IRAG1: variants seen among roughly 807,000 people sequenced by gnomAD.
IRAG1 encodes inositol 1,4,5-triphosphate receptor associated 1, also known as IP3R-associated cGMP kinase substrate.
Under a neutral mutation model 106.2 loss-of-function variants are expected in IRAG1, and 62 were observed. The observed-to-expected ratio is 0.58, with a 90% CI of 0.48 to 0.72. IRAG1 has a LOEUF of 0.72. Ranked by LOEUF, IRAG1 falls within the 30% of genes least tolerant of loss-of-function variation. IRAG1 has a pLI of 0.00. For missense variants in IRAG1, 1,064 were observed against 1,140.7 expected (o/e 0.93, Z 0.97); for synonymous variants, 462 against 443.9 (o/e 1.04, Z -0.51).
At chr11:10,686,942 C>G (rs719152) in intron 1 of IRAG1, among the ~76,000 whole-genome samples, 35,837 of 152,150 alleles carry the variant, frequency 0.24, 4,720 homozygotes, top group Non-Finnish European at 0.29. Context: ...GTTAAGAGAT[C>G]ACTTGCTCCC....
rs111881846 is a variant in IRAG1, at chr11:10,633,219, C to G, written c.329+749G>C. On this transcript the variant is annotated intron_variant, in intron 3 of 20. Transcript: ENST00000423302. ...CCTCCCGAGTAGCTGGGACTACAGG[C>G]GCCCGCCACCACACCCGGCTAATTT... 2.6e-5 allele frequency among the ~76,000 whole-genome samples: 4 copies of G among 151,898 alleles called. No individual in the cohort carries two copies. The East Asian group carries it at 5.8e-4, about 22-fold the overall frequency.
chr11:10,578,854 G>C (rs74395115), intron 20 of IRAG1, among the ~76,000 whole-genome samples: 6 of 131,194 alleles, frequency 4.6e-5, no homozygotes, highest in South Asian at 4.7e-4. Context: ...CTCTCTCTCT[G>C]TTTATTTCTC....
chr11:10,603,260 G>A lies in IRAG1; in HGVS notation c.1744-9C>T, dbSNP rs930202569. On this transcript the variant is annotated splice_polypyrimidine_tract_variant and intron_variant, in intron 13 of 20. Transcript: ENST00000423302. The stretch of plus-strand genomic sequence containing the variant: ...CAGAGTGAAGCTGAGGACTGAACAG[G>A]AGTAGGAGCATCACCTGGGGTCCTC... The A allele has an allele frequency of 9.3e-6, 15 of 1,613,236 alleles. No individual in the cohort carries two copies. The highest frequency in any genetic ancestry group is 1.3e-5 in the African/African-American group (1 of 74,886).
At chr11:10,625,629 C>G (rs1856183685) in intron 9 of IRAG1, among the ~76,000 whole-genome samples, 1 of 152,130 alleles carries the variant, frequency 6.6e-6, no homozygotes, top group Non-Finnish European at 1.5e-5. Flanking sequence ...TTATGAGCCA[C>G]TGACTCCGGT....
In IRAG1 at chr11:10,626,015, T is replaced by C. The variant is rs770127362; in HGVS notation, c.1319A>G (p.Gln440Arg). The C allele has an allele frequency of 1.1e-5, 16 of 1,507,074 alleles. No individual in the cohort carries two copies. In the South Asian group the frequency reaches 1.6e-4, roughly 15 times the overall value. 93.4% of individuals were successfully genotyped at this position (1,507,074 alleles called of 1,614,324 possible). ...CATCCGCACGGGCTGCACTTGTATC[T>C]GAAAGTCTTTGAGACCAGGGGCCTT... is the stretch of plus-strand genomic sequence containing the variant. ...LAKAPGLKDF[Q>R]IQVQPVRMQK... Residue 440 changes from glutamine to arginine, a missense_variant, in exon 9 of 21, where the codon CAG becomes CGG. Transcript: ENST00000423302.
At chr11:10,677,645 T>C (rs1171861149) in intron 1 of IRAG1, among the ~76,000 whole-genome samples, 1 of 152,246 alleles carries the variant, frequency 6.6e-6, no homozygotes, top group African/African-American at 2.4e-5. Flanking sequence ...TGATGTATCA[T>C]TTTAACCATT....
chr11:10,627,906 G>C, intron 7 of IRAG1, 67 bp downstream of exon 7: 1 of 1,574,930 alleles, frequency 6.3e-7, no homozygotes. Flanking sequence ...AGGGCCTCCT[G>C]GTGTTCGGGG....
rs1435966301 is a variant in IRAG1 at position 10,629,603 on chromosome 11, A to G, written c.509T>C (p.Val170Ala). 1.2e-6 allele frequency: 2 copies of G among 1,613,910 alleles called. No homozygotes were observed. The highest frequency in any genetic ancestry group is 1.7e-5 in the Admixed American group (1 of 60,018). Reference sequence around the variant, plus strand: ...ACGGCGGGTCAGGAATCGCTCACTCACCAACTTGGCTTCTTCCAGCAGCGC... The same window carrying G: ...ACGGCGGGTCAGGAATCGCTCACTCGCCAACTTGGCTTCTTCCAGCAGCGC... ...NLALLEEAKL[V>A]SERFLTRRGR... The change falls in exon 5 of 21, where the codon GTG (valine) becomes GCG (alanine). Residue 170 changes from valine (V) to alanine (A), a missense_variant. Coordinates refer to ENST00000423302, the MANE Select transcript of IRAG1 (RefSeq NM_130385.4).
chr11:10,603,401 C>T (rs1221932656), intron 13 of IRAG1, 150 bp from the exon 14 acceptor site: 5 of 820,268 alleles, frequency 6.1e-6, no homozygotes, highest in Admixed American at 5.1e-5. Context: ...TGAAACTCTT[C>T]CACCTCTGAT....
chr11:10,673,454 A>G (rs1282746364), intron 1 of IRAG1, among the ~76,000 whole-genome samples: 1 of 152,160 alleles, frequency 6.6e-6, no homozygotes, highest in African/African-American at 2.4e-5. Flanking sequence ...AGAGAAAGCT[A>G]TAGAGATGGA....
Position 10,623,876 on chromosome 11 carries a change from G to A in IRAG1, c.1369-20C>T. On this transcript the variant is annotated intron_variant, in intron 9 of 20. Transcript: ENST00000423302. ...GTGCTCCTTTGTGGTAAAAGAAAGA[G>A]ATAACAATTTCAGATGATGACACTG... is the stretch of plus-strand genomic sequence containing the variant. The A allele has an allele frequency of 2.5e-6, 4 of 1,606,602 alleles. No individual in the cohort carries two copies. Among genetic ancestry groups the A allele is most frequent in the Non-Finnish European group, 3.4e-6 (4 of 1,173,176 alleles).
chr11:10,617,338 A>C, intron 10 of IRAG1: 1 of 237,402 alleles, frequency 4.2e-6, no homozygotes, highest in Non-Finnish European at 6.8e-6. Flanking sequence ...CCCCACAAAT[A>C]CAGAAGGAGC....
chr11:10,606,195 G>A (rs981898664), intron 12 of IRAG1, among the ~76,000 whole-genome samples: 3 of 152,086 alleles, frequency 2.0e-5, no homozygotes, highest in Non-Finnish European at 2.9e-5. Flanking sequence ...CTCTTTGTCC[G>A]CTACAGAATG....
At chr11:10,582,336 A>G (rs576804242) in intron 18 of IRAG1, among the ~76,000 whole-genome samples, 12 of 152,226 alleles carry the variant, frequency 7.9e-5, no homozygotes, top group South Asian at 4.1e-4. Context: ...CCTGTTGTCT[A>G]TCTTTCACCT....
intron 2 of IRAG1, among the ~76,000 whole-genome samples, chr11:10,648,298 A>C (rs958021392): frequency 3.3e-5 from 5 of 152,198 alleles, no homozygotes; most frequent in Non-Finnish European, 7.3e-5. Context: ...TGGGAGACAG[A>C]GGTTGCAGTG....
chr11:10,673,920 G>A (rs1860447898), intron 1 of IRAG1, among the ~76,000 whole-genome samples: 1 of 152,018 alleles, frequency 6.6e-6, no homozygotes, highest in Non-Finnish European at 1.5e-5. Context: ...TGAAGGAGGA[G>A]GCAACAATAA....
intron 2 of IRAG1, among the ~76,000 whole-genome samples, chr11:10,641,562 A>G (rs1300868274): frequency 2.6e-5 from 4 of 152,122 alleles, no homozygotes; most frequent in African/African-American, 9.7e-5. Flanking sequence ...AGAAACAAAC[A>G]TGGCTAGAGG....
intron 1 of IRAG1, among the ~76,000 whole-genome samples, chr11:10,662,724 C>T (rs895008789): frequency 6.6e-6 from 1 of 152,204 alleles, no homozygotes; most frequent in Non-Finnish European, 1.5e-5. Context: ...AGAGCAGAGC[C>T]GGGAGGCTTT....
At chr11:10,603,413 A>C (rs1591591884) in intron 13 of IRAG1, among the ~76,000 whole-genome samples, 162 bp from the exon 14 acceptor site, 1 of 152,130 alleles carries the variant, frequency 6.6e-6, no homozygotes, top group South Asian at 2.1e-4. Context: ...ACCTCTGATC[A>C]TTAGATTCTT....
Sources: allele counts gnomAD v4.1 joint callset (sites outside exome capture counted in the v4.1 genomes callset), GRCh38; gene constraint gnomAD v4.1.1; transcripts MANE v1.5; gene names NCBI Gene and HGNC (gene_info 2026-07-23, HGNC 2026-07-21).